The following SEL1L3 variants were observed in gnomAD, a reference collection of about 807,000 sequenced individuals.
SEL1L3 encodes the protein protein sel-1 homolog 3.
In SEL1L3, 76 loss-of-function variants were observed where a neutral mutation model predicts 142.8. The ratio of observed to expected loss-of-function variants is 0.53; its 90% CI spans 0.44 to 0.64. The LOEUF is 0.64. Ranked by LOEUF, SEL1L3 falls within the 30% of genes least tolerant of loss-of-function variation. The probability of loss-of-function intolerance (pLI) is 0.00; values close to 1 mark genes in which losing one functional copy is unlikely to be tolerated. For missense variants in SEL1L3, 1,262 were observed against 1,381.7 expected (o/e 0.91, Z 1.37); for synonymous variants, 504 against 519.6 (o/e 0.97, Z 0.41).
chr4:25,824,015 G>A (rs576598560), intron 6 of SEL1L3, among the ~76,000 whole-genome samples: 4 of 152,272 alleles, frequency 2.6e-5, no homozygotes, highest in East Asian at 1.9e-4. Context: ...GATTAGTCTC[G>A]TCTAAACACA....
chr4:25,815,036 C>T lies in SEL1L3; in HGVS notation c.1564+3102G>A, dbSNP rs532377903. 5.0e-4 allele frequency among the ~76,000 whole-genome samples: 76 copies of T among 152,286 alleles called. 1 individual carries two copies. Among genetic ancestry groups the T allele is most frequent in the Middle Eastern group, 3.4e-3 (1 of 294 alleles). On this transcript the variant is annotated intron_variant, in intron 9 of 23. Transcript: ENST00000399878. ...CCAGGGCTTGGTTCTAGAAATTCAC[C>T]TAAACTTCGGTTCTCCCTCCCTGCC...
At position 25,776,262 on chromosome 4, in the gene SEL1L3, G is replaced by A. The variant is rs766033978; in HGVS notation, c.2669+15C>T. Reference sequence around the variant, plus strand: ...CAGGGAAAAAAGTTTGCTCTAACGTGGATCCCAAGCTTACCATGAACCTTC... The same window carrying A: ...CAGGGAAAAAAGTTTGCTCTAACGTAGATCCCAAGCTTACCATGAACCTTC... On this transcript the variant is annotated intron_variant, in intron 17 of 23. Transcript: ENST00000399878. The A allele has an allele frequency of 1.6e-5, 26 of 1,588,448 alleles. No homozygotes were observed. The highest frequency in any genetic ancestry group is 2.2e-5 in the Non-Finnish European group (25 of 1,159,764).
At chr4:25,819,705 C>T in intron 8 of SEL1L3, 103 bp downstream of exon 8, 1 of 1,132,362 alleles carries the variant, frequency 8.8e-7, no homozygotes, top group Admixed American at 2.9e-5. Context: ...GTATCTGAGC[C>T]AAGTCATATA....
chr4:25,756,313 C>T, intron 23 of SEL1L3: 2 of 985,294 alleles, frequency 2.0e-6, no homozygotes, highest in Non-Finnish European at 2.4e-6. Flanking sequence ...ACCTACTATG[C>T]ATGAGTTATC....
chr4:25,804,002 T>C (rs1212966209), intron 10 of SEL1L3, among the ~76,000 whole-genome samples: 1 of 152,200 alleles, frequency 6.6e-6, no homozygotes, highest in Non-Finnish European at 1.5e-5. Context: ...TCTAATCCCA[T>C]TGGTTCTGTT....
the SEL1L3 span, among the ~76,000 whole-genome samples, chr4:25,715,575 T>C: frequency 6.6e-6 from 1 of 151,396 alleles, no homozygotes; most frequent in Non-Finnish European, 1.5e-5. Context: ...TAAAAATGTT[T>C]TCCCTAGACA....
intron 11 of SEL1L3, among the ~76,000 whole-genome samples, chr4:25,796,225 C>G (rs1314586234): frequency 1.3e-5 from 2 of 152,158 alleles, no homozygotes; most frequent in Admixed American, 1.3e-4. Context: ...TGCTGACATG[C>G]CTTTCATTCC....
At chr4:25,780,368 C>G (rs1021107657) in intron 15 of SEL1L3, among the ~76,000 whole-genome samples, 1 of 152,244 alleles carries the variant, frequency 6.6e-6, no homozygotes, top group Non-Finnish European at 1.5e-5. Flanking sequence ...TACAGCCCAT[C>G]GTTGCCCCAT....
At position 25,853,539 on chromosome 4, in the gene SEL1L3, TA is replaced by T. The variant is rs199704177; in HGVS notation, c.163-5676del. ...TTCATTGAATTTCAAACCCTTTGTA[TA>T]AAAAAAAGGGCTGCAAAATATCTCA... On this transcript the variant is annotated intron_variant, in intron 1 of 23. Transcript: ENST00000399878. Among the ~76,000 whole-genome samples the T allele has an allele frequency of 4.3e-4, 65 of 151,208 alleles. No individual in the cohort carries two copies. In the East Asian group the frequency reaches 0.01, roughly 23 times the overall value.
intron 5 of SEL1L3, among the ~76,000 whole-genome samples, chr4:25,830,433 T>C (rs937394256): frequency 6.6e-6 from 1 of 152,212 alleles, no homozygotes; most frequent in African/African-American, 2.4e-5. Context: ...GCTCATTTGA[T>C]GTATTTGTCC....
At chr4:25,762,585 T>C (rs1718442043) in intron 20 of SEL1L3, among the ~76,000 whole-genome samples, 1 of 152,196 alleles carries the variant, frequency 6.6e-6, no homozygotes, top group Non-Finnish European at 1.5e-5. Flanking sequence ...GAAATTATAA[T>C]GTATCAGCTC....
the SEL1L3 span, among the ~76,000 whole-genome samples, chr4:25,733,144 T>G: frequency 6.6e-6 from 1 of 152,158 alleles, no homozygotes; most frequent in African/African-American, 2.4e-5. Flanking sequence ...GCTTGGAAAC[T>G]TCTACAAAAT....
chr4:25,762,528 A>C (rs1343058305), intron 20 of SEL1L3, among the ~76,000 whole-genome samples: 1 of 152,244 alleles, frequency 6.6e-6, no homozygotes, highest in East Asian at 1.9e-4. Context: ...TCAATAAATA[A>C]GTTAGTAAAC....
chr4:25,738,226 G>C, the SEL1L3 span, among the ~76,000 whole-genome samples: 1 of 152,090 alleles, frequency 6.6e-6, no homozygotes, highest in African/African-American at 2.4e-5. Flanking sequence ...CCCAAGGCTG[G>C]TTGAGTCCAG....
chr4:25,757,051 T>G (rs1289682750), intron 23 of SEL1L3: 26 of 883,734 alleles, frequency 2.9e-5, no homozygotes, highest in Non-Finnish European at 3.7e-5. Flanking sequence ...CCAGATCACC[T>G]GAGGTCAGGA....
the SEL1L3 span, among the ~76,000 whole-genome samples, chr4:25,739,950 T>C: frequency 6.6e-6 from 1 of 151,906 alleles, no homozygotes; most frequent in South Asian, 2.1e-4. Context: ...ATTTTTTAAC[T>C]GAATTAATTA....
intron 17 of SEL1L3, among the ~76,000 whole-genome samples, chr4:25,774,615 C>T (rs1719475583): frequency 6.6e-6 from 1 of 152,224 alleles, no homozygotes; most frequent in Non-Finnish European, 1.5e-5. Flanking sequence ...AATCCCAACA[C>T]TTTGGGAGGC....
rs962012001 is a variant in SEL1L3, at chr4:25,807,411, G to C, written c.1565-2659C>G. ...AGTTAAGAGAAGTCCGTTCTACCCA[G>C]TCTTTAGTTGTAATAAGAACGTGGA... On this transcript the variant is annotated intron_variant, in intron 9 of 23. Coordinates refer to ENST00000399878, the MANE Select transcript of SEL1L3 (RefSeq NM_015187.5). 3.9e-5 allele frequency among the ~76,000 whole-genome samples: 6 copies of C among 152,108 alleles called. No individual in the cohort carries two copies. In the East Asian group the frequency reaches 1.2e-3, roughly 29 times the overall value.
At chr4:25,855,675 C>T (rs1717209090) in intron 1 of SEL1L3, among the ~76,000 whole-genome samples, 1 of 152,034 alleles carries the variant, frequency 6.6e-6, no homozygotes, top group African/African-American at 2.4e-5. Context: ...GCAGGAGAAT[C>T]ACTTGAAACT....
Sources: allele counts gnomAD v4.1 joint callset (sites outside exome capture counted in the v4.1 genomes callset), GRCh38; gene constraint gnomAD v4.1.1; transcripts MANE v1.5; gene names NCBI Gene and HGNC (gene_info 2026-07-23, HGNC 2026-07-21).